ATP2B1: variants seen among roughly 807,000 people sequenced by gnomAD.
The protein encoded by ATP2B1 is plasma membrane calcium-transporting ATPase 1.
In ATP2B1, 14 loss-of-function variants were observed where a neutral mutation model predicts 124.2. That is an observed-to-expected ratio of 0.11 (90% confidence interval 0.07 to 0.18). The LOEUF is 0.18. Ranked by LOEUF, ATP2B1 falls within the 10% of genes least tolerant of loss-of-function variation. The pLI, the probability that ATP2B1 is intolerant of heterozygous loss-of-function variation, is 1.00. For missense variants in ATP2B1, 763 were observed against 1,466.1 expected (o/e 0.52, Z 7.83); for synonymous variants, 449 against 492.4 (o/e 0.91, Z 1.17).
chr12:89,620,653 C>T (rs1879806489), intron 10 of ATP2B1, among the ~76,000 whole-genome samples: 2 of 152,106 alleles, frequency 1.3e-5, no homozygotes, highest in South Asian at 4.1e-4. Flanking sequence ...TTAAATCTAC[C>T]AATTTTTATG....
At chr12:89,647,641 A>G (rs1041867390) in intron 2 of ATP2B1, among the ~76,000 whole-genome samples, 2 of 152,168 alleles carry the variant, frequency 1.3e-5, no homozygotes, top group African/African-American at 4.8e-5. Flanking sequence ...TATCATATGT[A>G]TATGTGTGTC....
rs1204245236 is a variant in ATP2B1, at chr12:89,598,853, A to G, written c.3351+264T>C. 4 of 1,335,350 alleles carry G rather than the reference A, an allele frequency of 3.0e-6. No homozygotes were observed. In the Admixed American group the frequency reaches 8.5e-5, roughly 28 times the overall value. 82.7% of individuals were successfully genotyped at this position (1,335,350 alleles called of 1,614,324 possible). A position where few individuals can be genotyped will look rare whatever the true frequency, so the allele number is the denominator to read the frequency against. ...AAAAAGAAAAAGGCACTTTTTACAC[A>G]GCATATAGGCAAGAATAGCATTTTG... On this transcript the variant is annotated intron_variant, in intron 20 of 20. Coordinates refer to ENST00000428670, the MANE Select transcript of ATP2B1 (RefSeq NM_001366521.1).
chr12:89,589,303 G>C lies in ATP2B1; in HGVS notation c.*1681C>G, dbSNP rs891662592. ...AGGATTGTGTATCTGGTGAAATCTG[G>C]GCCCTAACACATGCCAGTTTCTAAA... On this transcript the variant is annotated 3_prime_UTR_variant, in exon 21 of 21. Coordinates refer to ENST00000428670, the MANE Select transcript of ATP2B1 (RefSeq NM_001366521.1). 1 of 152,320 alleles carries C rather than the reference G, an allele frequency of 6.6e-6. No homozygotes were observed. The highest frequency in any genetic ancestry group is 1.9e-4 in the East Asian group (1 of 5,192). The allele number at this position is 152,320 out of a possible 1,614,324, so 9.4% of individuals were successfully genotyped here.
Position 89,621,702 on chromosome 12 carries a change from T to C in ATP2B1, c.1434A>G (p.Gly478=). 1 of 1,612,074 alleles carries C rather than the reference T, an allele frequency of 6.2e-7. No individual in the cohort carries two copies. Among genetic ancestry groups the C allele is most frequent in the South Asian group, 1.1e-5 (1 of 90,786 alleles). Residue 478 remains glycine (G), a synonymous_variant, in exon 10 of 21, where the codon GGA becomes GGG. Transcript: ENST00000428670. ...NATAICSDKT[G]TLTMNRMTVV... ...CTGTCATTCTGTTCATTGTCAAAGT[T>C]CCTGTTTTATCTGAACAAATAGCTG...
chr12:89,626,706 C>T (rs1880927423), intron 7 of ATP2B1, 91 bp from the exon 8 acceptor site: 3 of 1,405,568 alleles, frequency 2.1e-6, no homozygotes, highest in Middle Eastern at 1.8e-4. Context: ...CAGTTTCTTA[C>T]AGAAACCAGT....
intron 1 of ATP2B1, among the ~76,000 whole-genome samples, chr12:89,656,928 G>C (rs1250101535): frequency 2.6e-5 from 4 of 152,260 alleles, no homozygotes; most frequent in Admixed American, 6.5e-5. Flanking sequence ...TGAGAACCTA[G>C]AACTGTACCA....
chr12:89,611,118 T>A (rs1877929220), intron 13 of ATP2B1, 75 bp downstream of exon 13: 6 of 1,355,106 alleles, frequency 4.4e-6, no homozygotes, highest in Non-Finnish European at 6.0e-6. Flanking sequence ...GCATATTCAA[T>A]ATGTGTTTGT....
At chr12:89,669,597 T>C (rs1887702229) in intron 1 of ATP2B1, among the ~76,000 whole-genome samples, 2 of 152,202 alleles carry the variant, frequency 1.3e-5, no homozygotes, top group East Asian at 3.8e-4. Flanking sequence ...GCAGATTAAA[T>C]GAATTACCAT....
At chr12:89,653,587 G>T (rs1248978131) in intron 2 of ATP2B1, among the ~76,000 whole-genome samples, 2 of 152,100 alleles carry the variant, frequency 1.3e-5, no homozygotes, top group African/African-American at 4.8e-5. Context: ...GTGAGCCACC[G>T]CGCCCGGCCT....
rs759097062 is a variant in ATP2B1 at position 89,599,287 on chromosome 12, T to C, written c.3181A>G (p.Ile1061Val). 1.2e-6 allele frequency: 2 copies of C among 1,614,100 alleles called. No individual in the cohort carries two copies. The highest frequency in any genetic ancestry group is 4.5e-5 in the East Asian group (2 of 44,878). Residue 1061 changes from isoleucine (I) to valine (V), a missense_variant, in exon 20 of 21, where the codon ATT (isoleucine) becomes GTT (valine). By Grantham distance (29) the Ile-to-Val change is conservative. Coordinates refer to ENST00000428670, the MANE Select transcript of ATP2B1 (RefSeq NM_001366521.1). ...AGGAATTTTAAACGGCTAGTTGGAA[T>C]TGTTGAAATAAGCTACAACACAGGG... is the stretch of plus-strand genomic sequence containing the variant. Reference protein sequence around the residue: ...TLLWGQLISTIPTSRLKFLKE... With the variant: ...TLLWGQLISTVPTSRLKFLKE...
At chr12:89,594,357 G>A (rs1425955863) in intron 20 of ATP2B1, 2 of 151,884 alleles carry the variant, frequency 1.3e-5, no homozygotes, top group Non-Finnish European at 2.9e-5. Flanking sequence ...CTTTAGGTAG[G>A]AAGGAAACTA....
At chr12:89,645,462 T>C (rs1041367558) in intron 2 of ATP2B1, among the ~76,000 whole-genome samples, 3 of 152,064 alleles carry the variant, frequency 2.0e-5, no homozygotes, top group Non-Finnish European at 1.5e-5. Flanking sequence ...AGGTAGACAG[T>C]AGACAATTAA....
intron 1 of ATP2B1, among the ~76,000 whole-genome samples, chr12:89,657,379 G>T (rs1186494313): frequency 6.6e-6 from 1 of 152,074 alleles, no homozygotes; most frequent in Non-Finnish European, 1.5e-5. Context: ...TTTGAAATAG[G>T]CATCATGCCA....
At chr12:89,641,268 AC>A (rs1206987589) in intron 3 of ATP2B1, among the ~76,000 whole-genome samples, 1 of 152,208 alleles carries the variant, frequency 6.6e-6, no homozygotes, top group Non-Finnish European at 1.5e-5. Flanking sequence ...GGAGAAAAAA[AC>A]ATTTGTAGCC....
intron 6 of ATP2B1, 109 bp downstream of exon 6, chr12:89,630,396 A>T: frequency 9.4e-7 from 1 of 1,061,028 alleles, no homozygotes; most frequent in Non-Finnish European, 1.3e-6. Flanking sequence ...ATCTTCTTTT[A>T]ACTTTTTGTA....
chr12:89,699,287 A>C (rs950177448), intron 1 of ATP2B1, among the ~76,000 whole-genome samples: 3 of 152,174 alleles, frequency 2.0e-5, no homozygotes, highest in Non-Finnish European at 4.4e-5. Flanking sequence ...TCATTTTAGT[A>C]TATGTTTGGC....
At chr12:89,608,082 G>T (rs1189987059) in intron 15 of ATP2B1, among the ~76,000 whole-genome samples, 1 of 151,950 alleles carries the variant, frequency 6.6e-6, no homozygotes, top group Non-Finnish European at 1.5e-5. Context: ...CTGTACAAAT[G>T]CAAAACCAAA....
At chr12:89,650,317 G>A (rs755215504) in intron 2 of ATP2B1, among the ~76,000 whole-genome samples, 14 of 152,212 alleles carry the variant, frequency 9.2e-5, no homozygotes, top group South Asian at 4.2e-4. Flanking sequence ...AGGCAATCCC[G>A]TCCCTAACTG....
rs1263294084 is a variant in ATP2B1, at chr12:89,626,592, T to C, written c.991A>G (p.Met331Val). Residue 331 changes from methionine (M) to valine (V), a missense_variant, in exon 8 of 21, where the codon ATG (methionine) becomes GTG (valine). Physicochemically the swap from Met to Val is conservative, Grantham distance 21. Coordinates refer to ENST00000428670, the MANE Select transcript of ATP2B1 (RefSeq NM_001366521.1). ...TCACTCTTCAATGGCTGCATTTCCA[T>C]GGCTGCACCATCCTGGGCTTTTGCT... ...NKAKAQDGAA[M>V]EMQPLKSEEG... The C allele has an allele frequency of 3.1e-6, 5 of 1,610,208 alleles. No individual in the cohort carries two copies. Among genetic ancestry groups the C allele is most frequent in the East Asian group, 2.2e-5 (1 of 44,852 alleles).
Sources: allele counts gnomAD v4.1 joint callset (sites outside exome capture counted in the v4.1 genomes callset), GRCh38; gene constraint gnomAD v4.1.1; transcripts MANE v1.5; gene names NCBI Gene and HGNC (gene_info 2026-07-23, HGNC 2026-07-21).